Variants in SLCO3A1 observed in about 807,000 individuals in gnomAD.
SLCO3A1 encodes solute carrier organic anion transporter family member 3A1.
SLCO3A1 carries 27 observed loss-of-function variants against 63.1 expected under a neutral mutation model. The ratio of observed to expected loss-of-function variants is 0.43; its 90% confidence interval spans 0.32 to 0.59. The LOEUF is 0.59. Ranked by LOEUF, SLCO3A1 falls within the 20% of genes least tolerant of loss-of-function variation. The probability of loss-of-function intolerance (pLI) is 0.09; values close to 1 mark genes in which losing one functional copy is unlikely to be tolerated. For synonymous variants in SLCO3A1, 473 were observed against 409.9 expected (o/e 1.15, Z -1.86); for missense variants, 773 against 945.8 (o/e 0.82, Z 2.40).
At chr15:92,083,639 T>C (rs1190413969) in intron 2 of SLCO3A1, among the ~76,000 whole-genome samples, 1 of 152,200 alleles carries the variant, frequency 6.6e-6, no homozygotes, top group Non-Finnish European at 1.5e-5. Flanking sequence ...GAGAACTGTG[T>C]TGGGATTTAT....
chr15:91,864,503 T>G (rs1897120098), intron 1 of SLCO3A1, among the ~76,000 whole-genome samples: 2 of 151,866 alleles, frequency 1.3e-5, no homozygotes, highest in Admixed American at 1.3e-4. Flanking sequence ...TTTTTTTTTT[T>G]TTTTTGTCTA....
At chr15:91,867,693 C>T (rs1047465514) in intron 1 of SLCO3A1, among the ~76,000 whole-genome samples, 1 of 152,150 alleles carries the variant, frequency 6.6e-6, no homozygotes, top group Non-Finnish European at 1.5e-5. Flanking sequence ...CTCCTGTTCT[C>T]CTTGGGAAGA....
intron 9 of SLCO3A1, among the ~76,000 whole-genome samples, chr15:92,152,545 T>C (rs977011850): frequency 6.6e-6 from 1 of 152,218 alleles, no homozygotes; most frequent in African/African-American, 2.4e-5. Context: ...CCTGGGAAGC[T>C]GTAGTAGCAT....
chr15:91,874,450 T>C (rs1279596528), intron 1 of SLCO3A1, among the ~76,000 whole-genome samples: 1 of 152,198 alleles, frequency 6.6e-6, no homozygotes, highest in African/African-American at 2.4e-5. Context: ...CACTGTTCAC[T>C]TCCTATCTCT....
intron 7 of SLCO3A1, among the ~76,000 whole-genome samples, chr15:92,134,202 C>A (rs959880212): frequency 2.6e-5 from 4 of 152,212 alleles, no homozygotes; most frequent in Non-Finnish European, 5.9e-5. Context: ...CTGTCTGGTT[C>A]CAAAGGCTTA....
chr15:91,854,297 T>C lies in SLCO3A1; in HGVS notation c.180+209T>C, dbSNP rs981130996. 2 of 1,084,710 alleles carry C rather than the reference T, an allele frequency of 1.8e-6. No homozygotes were observed. The highest frequency in any genetic ancestry group is 2.2e-6 in the Non-Finnish European group (2 of 895,030). The allele number at this position is 1,084,710 out of a possible 1,614,324, so 67.2% of individuals were successfully genotyped here. A position where few individuals can be genotyped will look rare whatever the true frequency, so the allele number is the denominator to read the frequency against. On this transcript the variant is annotated intron_variant, in intron 1 of 9. Transcript: ENST00000318445. This position sits in a 1 kb window ranked among gnomAD's most constrained non-coding sequence, Gnocchi z 6.4. ...AGCGGGTAGCGGGCGGGACCGTTGA[T>C]GCCGGTAGCAGCTCGCGCGCGTCCG...
chr15:92,170,651 T>TAG, downstream of SLCO3A1, among the ~76,000 whole-genome samples: 1 of 152,214 alleles, frequency 6.6e-6, no homozygotes, highest in Non-Finnish European at 1.5e-5. Context: ...GGGAAACCCC[T>TAG]AGCAGGAGTC....
chr15:92,085,623 C>T (rs1449017515), intron 2 of SLCO3A1, among the ~76,000 whole-genome samples: 1 of 152,218 alleles, frequency 6.6e-6, no homozygotes, highest in South Asian at 2.1e-4. Context: ...CATGTGCATA[C>T]GTGTGTATTA....
At chr15:92,143,656 G>A (rs7175029) in intron 7 of SLCO3A1, among the ~76,000 whole-genome samples, 17,803 of 144,616 alleles carry the variant, frequency 0.12, 1,451 homozygotes, top group African/African-American at 0.2. Flanking sequence ...CCTGGTTTTT[G>A]TTAAGTTGGT....
In SLCO3A1 at chr15:92,010,025, G is replaced by A. The variant is rs377353547; in HGVS notation, c.647-84856G>A. 5.0e-4 allele frequency among the ~76,000 whole-genome samples: 76 copies of A among 152,300 alleles called. 1 individual carries two copies. The highest frequency in any genetic ancestry group is 1.7e-3 in the African/African-American group (69 of 41,576). ...TGTAGCTCCTCCCTGCAATTTCACCGCACTCTTGACAGCCCAGAGTCAAGC... is the reference window on the plus strand; with the variant it reads ...TGTAGCTCCTCCCTGCAATTTCACCACACTCTTGACAGCCCAGAGTCAAGC... On this transcript the variant is annotated intron_variant, in intron 2 of 9. Coordinates refer to ENST00000318445, the MANE Select transcript of SLCO3A1 (RefSeq NM_013272.4).
chr15:91,866,428 G>A (rs909389558), intron 1 of SLCO3A1, among the ~76,000 whole-genome samples: 3 of 152,042 alleles, frequency 2.0e-5, no homozygotes, highest in Non-Finnish European at 4.4e-5. Flanking sequence ...ATCACTGTGC[G>A]CTGTGCCAGC....
In SLCO3A1 at chr15:91,968,153, G is replaced by GACTT. The variant is rs1056112914; in HGVS notation, c.646+51697_646+51698insTTAC. 7.2e-5 allele frequency among the ~76,000 whole-genome samples: 11 copies of GACTT among 152,078 alleles called. No homozygotes were observed. Among genetic ancestry groups the GACTT allele is most frequent in the African/African-American group, 2.7e-4 (11 of 41,406 alleles). ...TGCGTGTCTCCTTTCTCAGACAGAGGACGTAATCATCCATGCCCACAGAGG... is the reference window on the plus strand; with the variant it reads ...TGCGTGTCTCCTTTCTCAGACAGAGGACTTACGTAATCATCCATGCCCACAGAGG... On this transcript the variant is annotated intron_variant, in intron 2 of 9. Transcript: ENST00000318445. This position sits in a 1 kb window ranked among gnomAD's most constrained non-coding sequence, Gnocchi z 4.2.
rs1340537424 is a variant in SLCO3A1, at chr15:91,912,520, C to T, written c.181-3473C>T. Among the ~76,000 whole-genome samples the T allele has an allele frequency of 2.0e-5, 3 of 152,152 alleles. No individual in the cohort carries two copies. Among genetic ancestry groups the T allele is most frequent in the Non-Finnish European group, 4.4e-5 (3 of 68,018 alleles). On this transcript the variant is annotated intron_variant, in intron 1 of 9. Coordinates refer to ENST00000318445, the MANE Select transcript of SLCO3A1 (RefSeq NM_013272.4). This position sits in a 1 kb window ranked among gnomAD's most constrained non-coding sequence, Gnocchi z 5.0. ...AAAGAACTGATTATTTTTTGTTTTGCCCACAGCTGTCTCTGTCCCAATCAC... is the reference window on the plus strand; with the variant it reads ...AAAGAACTGATTATTTTTTGTTTTGTCCACAGCTGTCTCTGTCCCAATCAC...
chr15:92,156,041 G>A (rs931275078), intron 9 of SLCO3A1, among the ~76,000 whole-genome samples: 1 of 152,168 alleles, frequency 6.6e-6, no homozygotes, highest in Admixed American at 6.5e-5. Context: ...TTGGTCTGGG[G>A]TGATTTGTGA....
chr15:91,867,552 T>G (rs973334754), intron 1 of SLCO3A1, among the ~76,000 whole-genome samples: 1 of 152,118 alleles, frequency 6.6e-6, no homozygotes, highest in African/African-American at 2.4e-5. Context: ...TGGCCTCGGA[T>G]GTATCAGTTC....
intron 2 of SLCO3A1, among the ~76,000 whole-genome samples, chr15:92,069,193 G>A (rs980023708): frequency 6.8e-6 from 1 of 147,850 alleles, no homozygotes; most frequent in Non-Finnish European, 1.5e-5. Flanking sequence ...GTGCTACCAG[G>A]ATCTAACAGG....
chr15:91,952,912 G>C (rs1597151547), intron 2 of SLCO3A1, among the ~76,000 whole-genome samples: 1 of 152,292 alleles, frequency 6.6e-6, no homozygotes, highest in African/African-American at 2.4e-5. Context: ...GTAGTGAGGG[G>C]ACTTCAGCTG....
At chr15:91,952,733 G>C (rs1270982017) in intron 2 of SLCO3A1, among the ~76,000 whole-genome samples, 1 of 152,156 alleles carries the variant, frequency 6.6e-6, no homozygotes, top group Non-Finnish European at 1.5e-5. Flanking sequence ...CTGTAAACAT[G>C]GTGTAATTAC....
intron 4 of SLCO3A1, among the ~76,000 whole-genome samples, chr15:92,108,667 T>C (rs1456911202): frequency 1.3e-5 from 2 of 152,208 alleles, no homozygotes; most frequent in African/African-American, 4.8e-5. Context: ...GACGAGGGTC[T>C]CTTCTGCAGC....
Sources: allele counts gnomAD v4.1 joint callset (sites outside exome capture counted in the v4.1 genomes callset), GRCh38; gene constraint gnomAD v4.1.1; non-coding constraint Gnocchi (gnomAD v3.1); transcripts MANE v1.5; gene names NCBI Gene and HGNC (gene_info 2026-07-23, HGNC 2026-07-21).